ROBO2: variants seen among roughly 807,000 people sequenced by gnomAD.
ROBO2 encodes roundabout guidance receptor 2, also known as roundabout homolog 2.
Under a neutral mutation model 160.8 loss-of-function variants are expected in ROBO2, and 53 were observed. The observed-to-expected ratio is 0.33, with a 90% CI of 0.26 to 0.41. The LOEUF (loss-of-function observed/expected upper bound fraction) is 0.41, where lower values mean the gene tolerates loss of function less well. Among genes scored for constraint, ROBO2 ranks in the 10% least tolerant of loss-of-function variants. The probability of loss-of-function intolerance (pLI) is 1.00; values close to 1 mark genes in which losing one functional copy is unlikely to be tolerated. For synonymous variants in ROBO2, 664 were observed against 611.7 expected (o/e 1.09, Z -1.26); for missense variants, 1,577 against 1,722.4 (o/e 0.92, Z 1.49).
intron 2 of ROBO2, among the ~76,000 whole-genome samples, chr3:76,676,092 A>G (rs534686521): frequency 3.3e-4 from 50 of 152,316 alleles, no homozygotes; most frequent in African/African-American, 1.2e-3. Context: ...TTGTAATTAC[A>G]TTATTGAATA....
chr3:76,935,436 T>A (rs2077635506), intron 2 of ROBO2, among the ~76,000 whole-genome samples: 1 of 152,318 alleles, frequency 6.6e-6, no homozygotes, highest in African/African-American at 2.4e-5. Flanking sequence ...CCTGGATCCA[T>A]CCAGTATCTA....
chr3:77,555,673 G>C (rs1666112), intron 8 of ROBO2, among the ~76,000 whole-genome samples: 5 of 151,348 alleles, frequency 3.3e-5, no homozygotes, highest in African/African-American at 1.2e-4. Flanking sequence ...GGGGAGATAA[G>C]ATGTATTTAT....
chr3:76,371,484 G>C (rs1035900425), intron 2 of ROBO2, among the ~76,000 whole-genome samples: 2 of 150,602 alleles, frequency 1.3e-5, no homozygotes, highest in African/African-American at 2.4e-5. Context: ...TAAAGTGAAA[G>C]GGTATTTACA....
At chr3:77,378,109 T>A (rs182467999) in intron 2 of ROBO2, among the ~76,000 whole-genome samples, 1 of 152,230 alleles carries the variant, frequency 6.6e-6, no homozygotes, top group Non-Finnish European at 1.5e-5. Flanking sequence ...TAATATGTTC[T>A]ATGCTTTCTA....
intron 2 of ROBO2, among the ~76,000 whole-genome samples, chr3:76,824,465 C>A (rs1339736344): frequency 6.6e-6 from 1 of 152,180 alleles, no homozygotes; most frequent in Admixed American, 6.5e-5. Context: ...ACACCAGTTT[C>A]TTTTCTTTCA....
intron 2 of ROBO2, among the ~76,000 whole-genome samples, chr3:76,239,360 G>A (rs370679573): frequency 2.0e-5 from 3 of 150,146 alleles, no homozygotes; most frequent in Non-Finnish European, 4.4e-5. Flanking sequence ...ATACGTATAT[G>A]TATATATATA....
chr3:77,549,228 T>C (rs2092820824), intron 7 of ROBO2, among the ~76,000 whole-genome samples: 1 of 151,954 alleles, frequency 6.6e-6, no homozygotes, highest in Non-Finnish European at 1.5e-5. Context: ...TGATGGTACA[T>C]TGTAGAGGAA....
At chr3:76,062,153 T>G (rs1393692701) in intron 2 of ROBO2, among the ~76,000 whole-genome samples, 1 of 152,192 alleles carries the variant, frequency 6.6e-6, no homozygotes, top group African/African-American at 2.4e-5. Flanking sequence ...GCGGACATTC[T>G]TGGGGGATAC....
chr3:76,745,363 C>A (rs986342206), intron 2 of ROBO2, among the ~76,000 whole-genome samples: 3 of 146,712 alleles, frequency 2.0e-5, no homozygotes, highest in Non-Finnish European at 4.4e-5. Flanking sequence ...GATTTCAGTT[C>A]TCTTTAGCTA....
intron 2 of ROBO2, among the ~76,000 whole-genome samples, chr3:76,365,694 T>C (rs555020719): frequency 6.6e-6 from 1 of 152,200 alleles, no homozygotes; most frequent in Admixed American, 6.5e-5. Flanking sequence ...TACAATTAGA[T>C]CCATAAAATG....
rs946057446 is a variant in ROBO2 at position 77,313,549 on chromosome 3, A to G, written c.389-163865A>G. On this transcript the variant is annotated intron_variant, in intron 2 of 25. Coordinates refer to ENST00000461745, the Ensembl canonical transcript of ROBO2. ...TTCCCCAACCATTCCCAGTCTCTAGATCAGTATTTTTTTTGTTTTGCTTTG... is the reference window on the plus strand; with the variant it reads ...TTCCCCAACCATTCCCAGTCTCTAGGTCAGTATTTTTTTTGTTTTGCTTTG... Among the ~76,000 whole-genome samples the G allele has an allele frequency of 4.0e-5, 6 of 151,680 alleles. No homozygotes were observed. The South Asian group carries it at 6.3e-4, about 16-fold the overall frequency.
chr3:77,194,239 TG>T (rs746125130), intron 2 of ROBO2, among the ~76,000 whole-genome samples: 1 of 152,322 alleles, frequency 6.6e-6, no homozygotes, highest in East Asian at 1.9e-4. Flanking sequence ...CCAGATTCTC[TG>T]GGGGTCTCTC....
At chr3:75,988,212 A>T (rs2065468251) in intron 2 of ROBO2, among the ~76,000 whole-genome samples, 1 of 152,046 alleles carries the variant, frequency 6.6e-6, no homozygotes, top group South Asian at 2.1e-4. Flanking sequence ...ATCCTAACTA[A>T]TTATAGATCT....
chr3:76,230,117 A>G (rs1576001386), intron 2 of ROBO2, among the ~76,000 whole-genome samples: 1 of 152,186 alleles, frequency 6.6e-6, no homozygotes, highest in East Asian at 1.9e-4. Context: ...CCAGTCTCTC[A>G]TTCTTTCCCT....
At chr3:77,031,656 CAT>C (rs1277236274) in intron 2 of ROBO2, among the ~76,000 whole-genome samples, 5 of 144,302 alleles carry the variant, frequency 3.5e-5, no homozygotes, top group South Asian at 2.2e-4. Context: ...ATATAAGACA[CAT>C]AATATATAAT....
intron 2 of ROBO2, among the ~76,000 whole-genome samples, chr3:76,343,278 T>A (rs1212896631): frequency 6.6e-6 from 1 of 152,118 alleles, no homozygotes; most frequent in African/African-American, 2.4e-5. Flanking sequence ...TACTGTGTTG[T>A]AAGCATAATT....
intron 2 of ROBO2, among the ~76,000 whole-genome samples, chr3:76,956,513 C>T (rs1323417150): frequency 4.7e-5 from 7 of 149,628 alleles, no homozygotes; most frequent in Non-Finnish European, 1.0e-4. Context: ...GCCGAGATCG[C>T]GCCACTGCAC....
At chr3:77,057,139 G>T (rs1294293747) in intron 1 of ROBO2, among the ~76,000 whole-genome samples, 2 of 152,106 alleles carry the variant, frequency 1.3e-5, no homozygotes, top group African/African-American at 4.8e-5. Context: ...CCATAAAAAA[G>T]GATGAGTTCA....
intron 2 of ROBO2, among the ~76,000 whole-genome samples, chr3:76,642,524 G>GT (rs1334863552): frequency 6.6e-6 from 1 of 151,542 alleles, no homozygotes; most frequent in African/African-American, 2.4e-5. Context: ...TGCCAATTTT[G>GT]TATTTTTAGT....
Sources: gnomAD v4.1 joint callset for allele counts (sites outside exome capture counted in the v4.1 genomes callset) on GRCh38, gnomAD v4.1.1 for gene constraint, MANE v1.5 for transcripts, NCBI Gene and HGNC (gene_info 2026-07-23, HGNC 2026-07-21) for gene names.